The following KIF3A variants were observed in gnomAD, a reference collection of about 807,000 sequenced individuals.
KIF3A encodes the protein kinesin family member 3A, also known as kinesin-like protein KIF3A.
In KIF3A, 27 loss-of-function variants were observed where a neutral mutation model predicts 92.6. That is an observed-to-expected ratio of 0.29 (90% CI 0.21 to 0.40). The LOEUF (loss-of-function observed/expected upper bound fraction) is 0.40. KIF3A is among the 10% of genes least tolerant of loss of function. The pLI is 1.00. For synonymous variants in KIF3A, 250 were observed against 275.4 expected, an observed-to-expected ratio of 0.91 and a Z score of 0.92; for missense variants, 581 against 872.6, an observed-to-expected ratio of 0.67 and a Z score of 4.21.
At chr5:132,733,537 A>G (rs1032682498) in intron 2 of KIF3A, among the ~76,000 whole-genome samples, 5 of 152,262 alleles carry the variant, frequency 3.3e-5, no homozygotes, top group Non-Finnish European at 5.9e-5. Context: ...GAAAGGCCTC[A>G]GTAGGAGATT....
intron 4 of KIF3A, among the ~76,000 whole-genome samples, chr5:132,721,958 A>C (rs1483249538): frequency 6.6e-6 from 1 of 152,236 alleles, no homozygotes; most frequent in East Asian, 1.9e-4. Context: ...TTTGAAAATT[A>C]CTGGTCTATA....
intron 2 of KIF3A, among the ~76,000 whole-genome samples, chr5:132,729,220 A>C (rs985168964): frequency 3.3e-5 from 5 of 152,138 alleles, no homozygotes; most frequent in Admixed American, 1.3e-4. Flanking sequence ...CTCAGAAATC[A>C]CCACTGAAGA....
At chr5:132,706,110 G>A (rs1011600249) in intron 11 of KIF3A, among the ~76,000 whole-genome samples, 2 of 152,060 alleles carry the variant, frequency 1.3e-5, no homozygotes, top group African/African-American at 4.8e-5. Flanking sequence ...AAGAACTTCA[G>A]GGCAGTCCTA....
chr5:132,689,188 G>T (rs1752607557), downstream of KIF3A, among the ~76,000 whole-genome samples: 1 of 152,206 alleles, frequency 6.6e-6, no homozygotes, highest in Non-Finnish European at 1.5e-5. Flanking sequence ...AAATGAAACA[G>T]CTTAAGACAG....
chr5:132,735,587 T>G (rs1754365959), intron 1 of KIF3A, among the ~76,000 whole-genome samples: 1 of 152,182 alleles, frequency 6.6e-6, no homozygotes, highest in African/African-American at 2.4e-5. Context: ...CACTTCTATC[T>G]ATCTCTCATC....
At chr5:132,690,276 A>G (rs753480284), downstream of KIF3A, among the ~76,000 whole-genome samples, 1 of 151,758 alleles carries the variant, frequency 6.6e-6, no homozygotes, top group Non-Finnish European at 1.5e-5. Context: ...CTGTAGTCCT[A>G]GTTACTCAGG....
intron 17 of KIF3A, among the ~76,000 whole-genome samples, chr5:132,699,763 T>A (rs1465278942): frequency 1.3e-5 from 2 of 151,894 alleles, no homozygotes; most frequent in African/African-American, 2.4e-5. Context: ...GGGGTTTCAC[T>A]GTGTTAGCCA....
At chr5:132,713,965 C>T (rs945548915) in intron 8 of KIF3A, among the ~76,000 whole-genome samples, 4 of 134,178 alleles carry the variant, frequency 3.0e-5, no homozygotes, top group East Asian at 2.2e-4. Context: ...GGCATAATCT[C>T]GGCTCATTGC....
In KIF3A at chr5:132,737,479, G is replaced by T. The variant is rs1193947141; in HGVS notation, c.-60C>A. ...CCCGGGGTGCAGCCCAGCGACACCG[G>T]GTGCGCAGAAAGGATGGCCAGAGAC... On this transcript the variant is annotated 5_prime_UTR_variant, in exon 1 of 19. Coordinates refer to ENST00000403231, the MANE Select transcript of KIF3A (RefSeq NM_001300791.2). The T allele has an allele frequency of 4.4e-6, 7 of 1,588,112 alleles. No individual in the cohort carries two copies. In the Admixed American group the frequency reaches 8.9e-5, roughly 20 times the overall value.
chr5:132,729,357 C>T (rs938025977), intron 2 of KIF3A, among the ~76,000 whole-genome samples: 13 of 151,954 alleles, frequency 8.6e-5, no homozygotes, highest in Admixed American at 3.9e-4. Flanking sequence ...AAGGCTGAAG[C>T]GAGAGAATCA....
chr5:132,701,696 A>G (rs867824585), intron 15 of KIF3A, among the ~76,000 whole-genome samples: 16 of 152,090 alleles, frequency 1.1e-4, no homozygotes, highest in African/African-American at 3.9e-4. Flanking sequence ...CTGCACACTT[A>G]AAATAGCTAA....
intron 16 of KIF3A, 144 bp from the exon 17 acceptor site, chr5:132,700,428 T>C: frequency 1.5e-6 from 1 of 657,510 alleles, no homozygotes; most frequent in Non-Finnish European, 2.7e-6. Context: ...AGAGGTCACT[T>C]AGTCCCACAT....
At chr5:132,717,081 C>T (rs1753650497) in intron 5 of KIF3A, 97 bp from the exon 6 acceptor site, 1 of 1,197,416 alleles carries the variant, frequency 8.4e-7, no homozygotes, top group African/African-American at 1.5e-5. Flanking sequence ...AATTTTATCA[C>T]AATCAAAAGC....
intron 1 of KIF3A, among the ~76,000 whole-genome samples, chr5:132,736,111 C>T (rs537427957): frequency 1.7e-4 from 26 of 152,320 alleles, no homozygotes; most frequent in Non-Finnish European, 2.8e-4. Flanking sequence ...CCCTGCTCTC[C>T]CCTTCCTGGA....
At chr5:132,737,348 G>A in intron 1 of KIF3A, 66 bp downstream of exon 1, 4 of 1,545,364 alleles carry the variant, frequency 2.6e-6, no homozygotes, top group Non-Finnish European at 3.5e-6. Context: ...CCATGGCAAC[G>A]GCCGCGCCCC....
chr5:132,719,508 CTT>C (rs902935654), intron 5 of KIF3A, among the ~76,000 whole-genome samples: 9 of 146,292 alleles, frequency 6.2e-5, no homozygotes, highest in African/African-American at 2.2e-4. Context: ...CTCTTTTTTT[CTT>C]TTTTTTTTGG....
Position 132,716,448 on chromosome 5 carries a change from A to C in KIF3A, c.757-6T>G. On this transcript the variant is annotated splice_polypyrimidine_tract_variant and splice_region_variant and intron_variant, in intron 6 of 18. Transcript: ENST00000403231. Reference sequence around the variant, plus strand: ...TTTGCCTGTCTTTCTGAACCCTAGCAATAAACAGAGATGAAAGTAAAGCTA... The same window carrying C: ...TTTGCCTGTCTTTCTGAACCCTAGCCATAAACAGAGATGAAAGTAAAGCTA... 2 of 1,607,468 alleles carry C rather than the reference A, an allele frequency of 1.2e-6. No homozygotes were observed. Among genetic ancestry groups the C allele is most frequent in the South Asian group, 2.2e-5 (2 of 89,504 alleles).
chr5:132,710,464 A>C (rs1235637104), intron 9 of KIF3A, among the ~76,000 whole-genome samples: 2 of 152,114 alleles, frequency 1.3e-5, no homozygotes, highest in African/African-American at 4.8e-5. Flanking sequence ...AAAATACAAA[A>C]AATTAGCCGG....
chr5:132,702,973 T>C lies in KIF3A; in HGVS notation c.1559A>G (p.Gln520Arg). 6.2e-7 allele frequency: 1 copy of C among 1,612,984 alleles called. No homozygotes were observed. Among genetic ancestry groups the C allele is most frequent in the Non-Finnish European group, 8.5e-7 (1 of 1,179,700 alleles). The change falls in exon 13 of 19, where the codon CAA (glutamine) becomes CGA (arginine). Residue 520 changes from glutamine to arginine, a missense_variant. By Grantham distance (43) the Gln-to-Arg change is conservative (BLOSUM62 1). This residue lies in a region of KIF3A where 45 missense variants were observed against 115.8 expected (regional missense o/e 0.39). Transcript: ENST00000403231. ...GVDLLAKAEEQEKLLEESNME... is the reference protein window; with the variant it reads ...GVDLLAKAEEREKLLEESNME... ...GTTAGATTCTTCAAGAAGTTTCTCTTGTTCCTCAGCTTTGGCCAACAAGTC... is the reference window on the plus strand; with the variant it reads ...GTTAGATTCTTCAAGAAGTTTCTCTCGTTCCTCAGCTTTGGCCAACAAGTC...
Sources: gnomAD v4.1 joint callset for allele counts (sites outside exome capture counted in the v4.1 genomes callset) on GRCh38, gnomAD v4.1.1 for gene constraint, gnomAD v4.1.1 regional missense constraint, MANE v1.5 for transcripts, NCBI Gene and HGNC (gene_info 2026-07-23, HGNC 2026-07-21) for gene names.